Variants in RANBP2 observed in about 807,000 individuals in gnomAD.
RANBP2 encodes the protein RAN binding protein 2.
In RANBP2, 57 loss-of-function variants were observed where a neutral mutation model predicts 303.6. That is an observed-to-expected ratio of 0.19 (90% CI 0.15 to 0.23). The LOEUF is 0.23. Among genes scored for constraint, RANBP2 ranks in the 10% least tolerant of loss-of-function variants. The pLI is 1.00. For missense variants in RANBP2, 3,138 were observed against 3,780.8 expected, an observed-to-expected ratio of 0.83 and a Z score of 4.46; for synonymous variants, 1,167 against 1,301.5, an observed-to-expected ratio of 0.90 and a Z score of 2.23.
the RANBP2 span, among the ~76,000 whole-genome samples, chr2:108,832,806 G>A: frequency 4.6e-5 from 7 of 152,304 alleles, no homozygotes; most frequent in South Asian, 6.2e-4. Flanking sequence ...TAGTCGTGAC[G>A]TGTATCTATT....
the RANBP2 span, among the ~76,000 whole-genome samples, chr2:109,189,587 T>G: frequency 6.6e-6 from 1 of 152,238 alleles, no homozygotes; most frequent in Non-Finnish European, 1.5e-5. Context: ...AAGGCTGGTT[T>G]TGAACTCCTG....
At chr2:109,188,585 C>T in the RANBP2 span, among the ~76,000 whole-genome samples, 1 of 152,186 alleles carries the variant, frequency 6.6e-6, no homozygotes, top group Middle Eastern at 3.2e-3. Flanking sequence ...GGCAGGGGTC[C>T]CGTCCCCTCT....
intron 7 of RANBP2, among the ~76,000 whole-genome samples, chr2:108,741,609 C>G (rs1354960200): frequency 7.1e-6 from 1 of 141,374 alleles, no homozygotes; most frequent in Non-Finnish European, 1.5e-5. Context: ...GAGTTCACGC[C>G]ATTTTCCTGC....
chr2:109,129,795 C>G, the RANBP2 span: 2 of 1,538,746 alleles, frequency 1.3e-6, no homozygotes, highest in Non-Finnish European at 1.7e-6. Flanking sequence ...TGGAGAGCAT[C>G]GTGTGCTCGC....
chr2:109,428,750 G>A, the RANBP2 span, among the ~76,000 whole-genome samples: 11 of 152,330 alleles, frequency 7.2e-5, 1 homozygote, highest in African/African-American at 2.6e-4. Flanking sequence ...TGAGCATGCA[G>A]GGTGGCCTTG....
At chr2:109,644,659 T>C in the RANBP2 span, among the ~76,000 whole-genome samples, 5 of 152,284 alleles carry the variant, frequency 3.3e-5, no homozygotes, top group East Asian at 9.7e-4. Flanking sequence ...GTTCTCTTTA[T>C]CCCCAAGGGC....
the RANBP2 span, among the ~76,000 whole-genome samples, chr2:109,254,693 G>A: frequency 6.6e-6 from 1 of 152,180 alleles, no homozygotes; most frequent in Non-Finnish European, 1.5e-5. Context: ...TAATGTTGGT[G>A]TGTGGTTGTC....
At chr2:109,278,388 A>G in the RANBP2 span, among the ~76,000 whole-genome samples, 1 of 152,240 alleles carries the variant, frequency 6.6e-6, no homozygotes, top group Admixed American at 6.5e-5. Context: ...AGTGGTGATG[A>G]CACTTCTGAA....
At chr2:109,640,593 A>G in the RANBP2 span, among the ~76,000 whole-genome samples, 1 of 152,164 alleles carries the variant, frequency 6.6e-6, no homozygotes, top group Non-Finnish European at 1.5e-5. Flanking sequence ...CCTGTGGCGG[A>G]GAAGCTTATT....
the RANBP2 span, among the ~76,000 whole-genome samples, chr2:108,794,270 G>C: frequency 6.6e-6 from 1 of 152,042 alleles, no homozygotes; most frequent in African/African-American, 2.4e-5. Context: ...GGCAATTAGT[G>C]TCTTTTTATA....
At position 108,784,092 on chromosome 2, in the gene RANBP2, T is replaced by G. The variant is rs372048601; in HGVS notation, c.*191T>G. ...CCTTGCATGGTGTGAAATAAAAGTT[T>G]AAACACTGGTGTATTTCAGGTGTAC... On this transcript the variant is annotated 3_prime_UTR_variant, in exon 29 of 29. Coordinates refer to ENST00000283195, the MANE Select transcript of RANBP2 (RefSeq NM_006267.5). 30 of 582,442 alleles carry G rather than the reference T, an allele frequency of 5.2e-5. No homozygotes were observed. In the African/African-American group the frequency reaches 5.2e-4, roughly 10 times the overall value. 36.1% of individuals were successfully genotyped at this position (582,442 alleles called of 1,614,324 possible).
At chr2:109,459,568 A>G in the RANBP2 span, among the ~76,000 whole-genome samples, 1 of 152,154 alleles carries the variant, frequency 6.6e-6, no homozygotes, top group African/African-American at 2.4e-5. Context: ...TATCCCAGAC[A>G]TGCTCTTGCC....
At chr2:108,789,566 C>T (rs1679554022), downstream of RANBP2, among the ~76,000 whole-genome samples, 1 of 152,094 alleles carries the variant, frequency 6.6e-6, no homozygotes, top group African/African-American at 2.4e-5. Flanking sequence ...TGCACTCCAG[C>T]CTGGGTGATG....
intron 4 of RANBP2, among the ~76,000 whole-genome samples, chr2:108,734,178 C>T (rs1044178650): frequency 6.6e-6 from 1 of 150,998 alleles, no homozygotes; most frequent in African/African-American, 2.4e-5. Context: ...TAATGGGCGG[C>T]TTGGTCTTGA....
At chr2:108,778,477 T>C (rs890730849) in intron 25 of RANBP2, among the ~76,000 whole-genome samples, 5 of 152,222 alleles carry the variant, frequency 3.3e-5, no homozygotes, top group African/African-American at 1.2e-4. Flanking sequence ...AGTTTCAATC[T>C]TATTTTCTCT....
At chr2:108,876,021 G>A in the RANBP2 span, 4 of 990,008 alleles carry the variant, frequency 4.0e-6, no homozygotes, top group Non-Finnish European at 6.0e-6. Context: ...TAAATTATCT[G>A]TCAGTGTCAT....
chr2:109,524,464 A>C, the RANBP2 span, among the ~76,000 whole-genome samples: 11 of 53,192 alleles, frequency 2.1e-4, no homozygotes, highest in African/African-American at 5.1e-4. Context: ...AAAAAAAAAA[A>C]AACAAAACAA....
the RANBP2 span, among the ~76,000 whole-genome samples, chr2:108,986,478 C>A: frequency 1.3e-5 from 2 of 152,122 alleles, no homozygotes; most frequent in Non-Finnish European, 2.9e-5. Flanking sequence ...GTGTTGGAGG[C>A]AGAGGACACA....
At chr2:109,614,832 C>T in the RANBP2 span, 2 of 1,425,298 alleles carry the variant, frequency 1.4e-6, no homozygotes, top group South Asian at 1.4e-5. Flanking sequence ...GCCCGAGGCG[C>T]GCGATCGGCT....
Sources: allele counts gnomAD v4.1 joint callset (sites outside exome capture counted in the v4.1 genomes callset), GRCh38; gene constraint gnomAD v4.1.1; transcripts MANE v1.5; gene names NCBI Gene and HGNC (gene_info 2026-07-23, HGNC 2026-07-21).